PARP9: variants seen among roughly 807,000 people sequenced by gnomAD.
The protein encoded by PARP9 is protein mono-ADP-ribosyltransferase PARP9.
A neutral mutation model predicts 68.8 loss-of-function variants in PARP9; 48 were observed. The ratio of observed to expected loss-of-function variants is 0.70; its 90% CI spans 0.55 to 0.89. PARP9 has a LOEUF of 0.89. Among genes scored for constraint, PARP9 ranks in the 40% least tolerant of loss-of-function variants. The pLI is 0.00. For missense variants in PARP9, 806 were observed against 969.3 expected (o/e 0.83, Z 2.24); for synonymous variants, 309 against 333.8 (o/e 0.93, Z 0.81).
At chr3:122,549,423 G>A (rs1480250648) in intron 6 of PARP9, among the ~76,000 whole-genome samples, 1 of 152,118 alleles carries the variant, frequency 6.6e-6, no homozygotes, top group East Asian at 1.9e-4. Flanking sequence ...CTTGCCCAAG[G>A]TTATATAGCC....
chr3:122,547,839 C>T (rs985897098), intron 6 of PARP9, among the ~76,000 whole-genome samples: 4 of 151,910 alleles, frequency 2.6e-5, no homozygotes, highest in Admixed American at 6.6e-5. Context: ...GGCAGCAGAG[C>T]GACATCCTGT....
At chr3:122,545,047 C>T (rs908732798) in intron 7 of PARP9, among the ~76,000 whole-genome samples, 6 of 152,126 alleles carry the variant, frequency 3.9e-5, no homozygotes, top group African/African-American at 1.4e-4. Context: ...ACCCATTTAT[C>T]TGGCATTACT....
chr3:122,545,512 G>GA (rs1559839291), intron 6 of PARP9, 23 bp from the exon 7 acceptor site: 1 of 1,613,560 alleles, frequency 6.2e-7, no homozygotes, highest in South Asian at 1.1e-5. Context: ...AAACAGAGCA[G>GA]AGAGTCATAA....
At chr3:122,536,828 A>G in intron 9 of PARP9, 106 bp downstream of exon 9, 2 of 1,340,650 alleles carry the variant, frequency 1.5e-6, no homozygotes, top group East Asian at 4.6e-5. Flanking sequence ...TTCCAAGTCC[A>G]TGAGCAGCCA....
chr3:122,555,766 G>A lies in PARP9; in HGVS notation c.405C>T (p.Ala135=), dbSNP rs2079580700. ...EIQEESKQFV[A]RYGKVSAGEI... ...CACCAGCTGACACTTTACCATATCT[G>A]GCAACAAACTGTTTGCTCTCTTCTT... The change falls in exon 4 of 11, where the codon GCC becomes GCT. Residue 135 remains alanine (A), a synonymous_variant. Transcript: ENST00000682323. 1 of 1,613,832 alleles carries A rather than the reference G, an allele frequency of 6.2e-7. No homozygotes were observed. The highest frequency in any genetic ancestry group is 8.5e-7 in the Non-Finnish European group (1 of 1,179,988).
chr3:122,564,096 AC>A, intron 1 of PARP9, 148 bp downstream of exon 1: 1 of 320,808 alleles, frequency 3.1e-6, no homozygotes, highest in Non-Finnish European at 5.7e-6. Flanking sequence ...AATAAGAAAC[AC>A]AGGAGAAACT....
intron 10 of PARP9, chr3:122,533,722 C>T (rs2077456306): frequency 1.0e-6 from 1 of 983,974 alleles, no homozygotes; most frequent in South Asian, 4.7e-5. Flanking sequence ...TGTGTAGATG[C>T]CTTCTTGCTG....
chr3:122,534,872 T>C, intron 10 of PARP9: 1 of 928,142 alleles, frequency 1.1e-6, no homozygotes, highest in Non-Finnish European at 1.3e-6. Flanking sequence ...CAAGACTCCG[T>C]CTCAGAAAAA....
At chr3:122,558,366 C>T (rs1038201687) in intron 3 of PARP9, 68 bp downstream of exon 3, 1 of 1,614,166 alleles carries the variant, frequency 6.2e-7, no homozygotes, top group Admixed American at 1.7e-5. Flanking sequence ...CTGTATTCCC[C>T]TTTCTCCACT....
intron 1 of PARP9, among the ~76,000 whole-genome samples, chr3:122,559,993 A>G (rs993133694): frequency 6.6e-6 from 1 of 152,206 alleles, no homozygotes; most frequent in Admixed American, 6.5e-5. Context: ...GAGCCTGGTC[A>G]TGAAGGATGC....
rs764567211 is a variant in PARP9 at position 122,545,381 on chromosome 3, T to A, written c.1384+51A>T. On this transcript the variant is annotated intron_variant, in intron 7 of 10. Transcript: ENST00000682323. ...TTAGTTCAGATGATCAAGAATAGAA[T>A]GAGCCAATGGTGGGCGACCCTACTT... The A allele has an allele frequency of 9.0e-6, 14 of 1,551,434 alleles. 1 individual carries two copies. Among genetic ancestry groups the A allele is most frequent in the Non-Finnish European group, 1.2e-5 (14 of 1,122,942 alleles).
chr3:122,552,748 C>G lies in PARP9; in HGVS notation c.886-109G>C, dbSNP rs141305264. On this transcript the variant is annotated intron_variant, in intron 4 of 10. Transcript: ENST00000682323. ...CTTTGAAAAATACTCTTTGAAGATC[C>G]TAAATTCTAAAAAATTTCATTAATA... 3,187 of 756,932 alleles carry G rather than the reference C, an allele frequency of 4.2e-3. 56 individuals are homozygous for G. In the African/African-American group the frequency reaches 0.047, roughly 11 times the overall value. The allele number at this position is 756,932 out of a possible 1,614,324, so 46.9% of individuals were successfully genotyped here. A position where few individuals can be genotyped will look rare whatever the true frequency, so the allele number is the denominator to read the frequency against.
chr3:122,535,477 C>T (rs2077570298), intron 10 of PARP9: 1 of 985,236 alleles, frequency 1.0e-6, no homozygotes, highest in African/African-American at 1.7e-5. Flanking sequence ...TCAAGCCACC[C>T]CGCTAAGTAT....
At position 122,540,851 on chromosome 3, in the gene PARP9, G is replaced by T; in HGVS notation, c.1386C>A (p.Val462=). ...SKMLSLNNYS[V]PQSTREEKRE... ...TTTTCTCCTCTCTGGTTGACTGGGG[G>T]ACTGAAATGACTATAATAAGCAACC... Residue 462 remains valine, a splice_region_variant and synonymous_variant, in exon 8 of 11, where the codon GTC becomes GTA. Transcript: ENST00000682323. 1 of 1,608,296 alleles carries T rather than the reference G, an allele frequency of 6.2e-7. No homozygotes were observed. Among genetic ancestry groups the T allele is most frequent in the South Asian group, 1.1e-5 (1 of 90,646 alleles).
Position 122,555,425 on chromosome 3 carries a change from G to T in PARP9, c.746C>A (p.Thr249Asn). 6.2e-7 allele frequency: 1 copy of T among 1,614,124 alleles called. No homozygotes were observed. The change falls in exon 4 of 11, where the codon ACT becomes AAT. Residue 249 changes from threonine (T) to asparagine (N), a missense_variant. Coordinates refer to ENST00000682323, the MANE Select transcript of PARP9 (RefSeq NM_001146105.2). ...EIHLVSNEDP[T>N]VAAFKAASEF... ...TGAAGCAGCTTTAAAGGCAGCAACA[G>T]TAGGGTCCTCATTGCTCACCAGGTG... is the stretch of plus-strand genomic sequence containing the variant.
At chr3:122,559,956 A>G (rs746990904) in intron 1 of PARP9, among the ~76,000 whole-genome samples, 1 of 152,236 alleles carries the variant, frequency 6.6e-6, no homozygotes, top group Non-Finnish European at 1.5e-5. Flanking sequence ...CTGGAACAGG[A>G]AAAGCTATAT....
intron 5 of PARP9, among the ~76,000 whole-genome samples, chr3:122,551,195 T>G (rs1385030438): frequency 6.6e-6 from 1 of 152,246 alleles, no homozygotes; most frequent in Admixed American, 6.5e-5. Context: ...AAAGCAGCAC[T>G]TATTCAACAT....
chr3:122,549,330 C>T (rs2079008874), intron 6 of PARP9, among the ~76,000 whole-genome samples: 1 of 152,154 alleles, frequency 6.6e-6, no homozygotes, highest in South Asian at 2.1e-4. Context: ...TAACTCATTT[C>T]ATCTTCACAA....
At chr3:122,562,327 C>T (rs1263981439) in intron 1 of PARP9, among the ~76,000 whole-genome samples, 5 of 151,714 alleles carry the variant, frequency 3.3e-5, no homozygotes, top group East Asian at 1.9e-4. Flanking sequence ...GGACTACAGG[C>T]GCCCACCACC....
Sources: allele counts gnomAD v4.1 joint callset (sites outside exome capture counted in the v4.1 genomes callset), GRCh38; gene constraint gnomAD v4.1.1; transcripts MANE v1.5; gene names NCBI Gene and HGNC (gene_info 2026-07-23, HGNC 2026-07-21).